The following TG variants were observed in gnomAD, a reference collection of about 807,000 sequenced individuals.
The protein encoded by TG is thyroglobulin, also known as thyroid hormones.
Under a neutral mutation model 324.7 loss-of-function variants are expected in TG, and 270 were observed. That is an observed-to-expected ratio of 0.83 (90% CI 0.75 to 0.92). TG has a LOEUF of 0.92. Among genes scored for constraint, TG ranks in the 40% least tolerant of loss-of-function variants. TG has a pLI of 0.00. For synonymous variants in TG, 1,401 were observed against 1,327.0 expected, an observed-to-expected ratio of 1.06 and a Z score of -1.21; for missense variants, 3,591 against 3,456.4, an observed-to-expected ratio of 1.04 and a Z score of -0.98.
At chr8:133,094,906 G>C in intron 41 of TG, 138 bp from the exon 42 acceptor site, 1 of 1,121,814 alleles carries the variant, frequency 8.9e-7, no homozygotes, top group Non-Finnish European at 1.3e-6. Context: ...TTCCCATTGT[G>C]TGCAGCCCCA....
chr8:133,134,697 C>A lies in TG; in HGVS notation c.8210C>A (p.Ser2737Ter), dbSNP rs746997831. 1.2e-6 allele frequency: 2 copies of A among 1,614,022 alleles called. No homozygotes were observed. The highest frequency in any genetic ancestry group is 3.3e-5 in the Admixed American group (2 of 60,020). ...TSADGAKGGQ[S>*]AESEEEELTA... Reference sequence around the variant, plus strand: ...TCAGATGGAGCCAAGGGCGGGCAGTCAGCAGAGAGTGAAGAGGAGGAGTTG... The same window carrying A: ...TCAGATGGAGCCAAGGGCGGGCAGTAAGCAGAGAGTGAAGAGGAGGAGTTG... The change falls in exon 48 of 48, where the codon TCA (serine) becomes TAA (stop). Residue 2737 changes from serine (S) to a stop codon, truncating the protein, a stop_gained. Transcript: ENST00000220616. LOFTEE classifies it low-confidence loss of function (END_TRUNC).
chr8:132,958,710 C>CAAAAAAAAAAAAAAGTCTCAAA (rs34843766), intron 27 of TG, among the ~76,000 whole-genome samples: 1 of 148,072 alleles, frequency 6.8e-6, no homozygotes, highest in Non-Finnish European at 1.5e-5. Flanking sequence ...GACTTTGTCT[C>CAAAAAAAAAAAAAAGTCTCAAA]AAAAAAAAAA....
chr8:132,919,105 C>A (rs576016619), intron 20 of TG, among the ~76,000 whole-genome samples: 1 of 152,184 alleles, frequency 6.6e-6, no homozygotes, highest in South Asian at 2.1e-4. Context: ...AACAACCCCC[C>A]TCTTTATTTT....
At chr8:133,047,932 A>G (rs769887175) in intron 41 of TG, 4 of 1,599,774 alleles carry the variant, frequency 2.5e-6, no homozygotes, top group Non-Finnish European at 3.4e-6. Context: ...TCAAACAGCC[A>G]GCTGGGAAGG....
intron 16 of TG, among the ~76,000 whole-genome samples, chr8:132,905,718 A>G (rs918418985): frequency 6.6e-6 from 1 of 152,132 alleles, no homozygotes; most frequent in Non-Finnish European, 1.5e-5. Context: ...CAGTGGGGTG[A>G]CCAGCATGCC....
chr8:132,963,831 A>G (rs564745779), intron 29 of TG, among the ~76,000 whole-genome samples: 3 of 152,180 alleles, frequency 2.0e-5, no homozygotes, highest in East Asian at 3.9e-4. Context: ...TACAGGGGAA[A>G]AAAACGTCAT....
intron 20 of TG, among the ~76,000 whole-genome samples, chr8:132,916,735 A>C (rs1820337406): frequency 6.6e-6 from 1 of 152,214 alleles, no homozygotes; most frequent in South Asian, 2.1e-4. Flanking sequence ...TTTTGCCTCA[A>C]GGCCAGCCAT....
intron 41 of TG, among the ~76,000 whole-genome samples, chr8:133,054,338 G>T (rs949572765): frequency 2.0e-5 from 3 of 152,136 alleles, no homozygotes; most frequent in Admixed American, 2.0e-4. Flanking sequence ...AACCCAGAGA[G>T]AATTTTCGGG....
chr8:132,966,633 C>T lies in TG; in HGVS notation c.5622C>T (p.Ser1874=). 6.2e-7 allele frequency: 1 copy of T among 1,614,116 alleles called. No homozygotes were observed. The highest frequency in any genetic ancestry group is 8.5e-7 in the Non-Finnish European group (1 of 1,180,000). The part of the protein sequence containing the change: ...VIVNGNQSLS[S]QKHWLFKHLF... The stretch of plus-strand genomic sequence containing the variant: ...TCAATGGAAATCAATCACTATCCAG[C>T]CAGAAGCACTGGCTTTTCAAGCACC... The change falls in exon 30 of 48, where the codon AGC becomes AGT. Residue 1874 remains serine (S), a synonymous_variant. Coordinates refer to ENST00000220616, the MANE Select transcript of TG (RefSeq NM_003235.5).
chr8:132,970,298 T>G (rs1829325434), intron 32 of TG, among the ~76,000 whole-genome samples: 1 of 152,170 alleles, frequency 6.6e-6, no homozygotes. Context: ...CTCCTAGTAT[T>G]GTCTGTGGAT....
intron 27 of TG, among the ~76,000 whole-genome samples, chr8:132,953,382 G>C (rs1451605957): frequency 6.6e-6 from 1 of 152,190 alleles, no homozygotes; most frequent in Non-Finnish European, 1.5e-5. Flanking sequence ...AGTGGCTTCT[G>C]TTCTTAAGGA....
chr8:132,949,822 G>A (rs1430902374), intron 27 of TG, among the ~76,000 whole-genome samples: 2 of 152,172 alleles, frequency 1.3e-5, no homozygotes, highest in African/African-American at 4.8e-5. Context: ...GTTAGTGCCT[G>A]AGGCCCCCCA....
chr8:133,040,422 A>T, intron 41 of TG: 1 of 350,972 alleles, frequency 2.8e-6, no homozygotes, highest in Non-Finnish European at 5.3e-6. Context: ...CTTTACCCCG[A>T]TAGTAAATTA....
At chr8:133,113,731 C>A in intron 44 of TG, 128 bp downstream of exon 44, 2 of 1,092,368 alleles carry the variant, frequency 1.8e-6, no homozygotes, top group Non-Finnish European at 2.7e-6. Flanking sequence ...CTGCATCATT[C>A]ATTCAGCCTA....
chr8:132,943,163 A>T (rs1031627171), intron 26 of TG, among the ~76,000 whole-genome samples: 3 of 152,002 alleles, frequency 2.0e-5, no homozygotes, highest in East Asian at 3.9e-4. Flanking sequence ...TCCTCATCTC[A>T]TGTTGAAATG....
At position 132,881,633 on chromosome 8, in the gene TG, C is replaced by G. The variant is rs548017385; in HGVS notation, c.639-230C>G. ...GTGAGGAAAACGGCTAATTGTTAGA[C>G]GACAGCTATGCACAGCTTTATTTTA... On this transcript the variant is annotated intron_variant, in intron 5 of 47. Transcript: ENST00000220616. Among the ~76,000 whole-genome samples the G allele has an allele frequency of 1.1e-3, 170 of 152,302 alleles. 1 individual carries two copies. The highest frequency in any genetic ancestry group is 2.0e-3 in the Non-Finnish European group (136 of 68,034).
chr8:132,911,623 G>T (rs1232070101), intron 19 of TG, 90 bp downstream of exon 19: 3 of 1,078,108 alleles, frequency 2.8e-6, no homozygotes, highest in Non-Finnish European at 4.3e-6. Flanking sequence ...TGGTGAAGAA[G>T]CCCATGATGT....
At chr8:132,899,364 GTAGAGC>G in intron 14 of TG, among the ~76,000 whole-genome samples, 3 of 152,324 alleles carry the variant, frequency 2.0e-5, no homozygotes, top group Middle Eastern at 6.8e-3. Context: ...AAGTACTGAT[GTAGAGC>G]TCCTAGAGAA....
intron 41 of TG, among the ~76,000 whole-genome samples, chr8:133,062,931 A>G (rs1001937587): frequency 6.6e-6 from 1 of 152,160 alleles, no homozygotes; most frequent in African/African-American, 2.4e-5. Flanking sequence ...CACATGTGAC[A>G]TGCACAGGCT....
Sources: allele counts gnomAD v4.1 joint callset (sites outside exome capture counted in the v4.1 genomes callset), GRCh38; gene constraint gnomAD v4.1.1; transcripts MANE v1.5; gene names NCBI Gene and HGNC (gene_info 2026-07-23, HGNC 2026-07-21).